Variants in CTBS observed in about 807,000 individuals in gnomAD.
CTBS encodes the protein di-N-acetylchitobiase.
A neutral mutation model predicts 44.3 loss-of-function variants in CTBS; 35 were observed. That is an observed-to-expected ratio of 0.79 (90% confidence interval 0.60 to 1.05). The LOEUF (loss-of-function observed/expected upper bound fraction) is 1.05. CTBS is among the 50% of genes least tolerant of loss of function. CTBS has a pLI of 0.00. For synonymous variants in CTBS, 143 were observed against 168.0 expected (o/e 0.85, Z 1.15); for missense variants, 458 against 475.3 (o/e 0.96, Z 0.34).
intron 6 of CTBS, among the ~76,000 whole-genome samples, chr1:84,556,584 T>C (rs979420282): frequency 6.6e-6 from 1 of 151,754 alleles, no homozygotes; most frequent in Non-Finnish European, 1.5e-5. Flanking sequence ...TGGTGGTGCA[T>C]GCCTGTAGTC....
chr1:84,557,246 G>A (rs1684461581), intron 6 of CTBS, among the ~76,000 whole-genome samples: 1 of 152,134 alleles, frequency 6.6e-6, no homozygotes, highest in African/African-American at 2.4e-5. Flanking sequence ...TAATAAAAAA[G>A]AGGGGGCCAG....
chr1:84,561,245 G>A (rs1684589404), intron 6 of CTBS, among the ~76,000 whole-genome samples: 1 of 152,178 alleles, frequency 6.6e-6, no homozygotes, highest in South Asian at 2.1e-4. Flanking sequence ...CAACCCTCAT[G>A]GATGACATTG....
chr1:84,571,220 G>C (rs1385783861), intron 1 of CTBS, among the ~76,000 whole-genome samples: 1 of 152,200 alleles, frequency 6.6e-6, no homozygotes, highest in African/African-American at 2.4e-5. Context: ...CAAAACTGGA[G>C]GCAGAATACA....
At position 84,565,910 on chromosome 1, in the gene CTBS, C is replaced by G. The variant is rs771101356; in HGVS notation, c.628G>C (p.Asp210His). The G allele has an allele frequency of 6.2e-7, 1 of 1,600,630 alleles. No individual in the cohort carries two copies. The highest frequency in any genetic ancestry group is 8.5e-7 in the Non-Finnish European group (1 of 1,174,026). The change falls in exon 4 of 7, where the codon GAT becomes CAT. Residue 210 changes from aspartate to histidine, a missense_variant. Asp to His is a moderately conservative substitution (Grantham distance 81, BLOSUM62 -1). Coordinates refer to ENST00000370630, the MANE Select transcript of CTBS (RefSeq NM_004388.3). ...TCTGACCAGATCTGACTTTGTTCATCATAAGACATCACAAAGAGGAAGTCA... is the reference window on the plus strand; with the variant it reads ...TCTGACCAGATCTGACTTTGTTCATGATAAGACATCACAAAGAGGAAGTCA... ...ACDFLFVMSY[D>H]EQSQIWSECI...
Position 84,550,294 on chromosome 1 carries a change from T to G in CTBS, c.*4705A>C, listed in dbSNP as rs1684231886. The G allele has an allele frequency of 2.4e-6, 1 of 422,146 alleles. No homozygotes were observed. The highest frequency in any genetic ancestry group is 2.1e-5 in the African/African-American group (1 of 48,412). The allele number at this position is 422,146 out of a possible 1,614,324, so 26.2% of individuals were successfully genotyped here. A position where few individuals can be genotyped will look rare whatever the true frequency, so the allele number is the denominator to read the frequency against. On this transcript the variant is annotated 3_prime_UTR_variant, in exon 7 of 7. Coordinates refer to ENST00000370630, the MANE Select transcript of CTBS (RefSeq NM_004388.3). ...CAAATAGTAATTTCTCCAAAGCAAT[T>G]TAGTTTACTTTACGGAATAGGTTAT...
chr1:84,561,364 G>A (rs906617580), intron 6 of CTBS, among the ~76,000 whole-genome samples: 7 of 152,202 alleles, frequency 4.6e-5, no homozygotes, highest in African/African-American at 9.7e-5. Flanking sequence ...CTACAATCTC[G>A]TGATAAAATT....
At chr1:84,559,714 A>G (rs142200071) in intron 6 of CTBS, among the ~76,000 whole-genome samples, 9 of 152,320 alleles carry the variant, frequency 5.9e-5, no homozygotes, top group African/African-American at 1.4e-4. Context: ...GAAAATAGTT[A>G]TAATTAGATT....
intron 3 of CTBS, among the ~76,000 whole-genome samples, chr1:84,568,386 A>C (rs561662060): frequency 2.0e-5 from 3 of 152,296 alleles, no homozygotes; most frequent in Non-Finnish European, 4.4e-5. Flanking sequence ...GCTGTTCTTA[A>C]TCTACATTGT....
Position 84,569,914 on chromosome 1 carries a change from A to C in CTBS, c.525+17T>G. 1 of 1,603,282 alleles carries C rather than the reference A, an allele frequency of 6.2e-7. No individual in the cohort carries two copies. Among genetic ancestry groups the C allele is most frequent in the Non-Finnish European group, 8.5e-7 (1 of 1,174,738 alleles). On this transcript the variant is annotated intron_variant, in intron 3 of 6. Coordinates refer to ENST00000370630, the MANE Select transcript of CTBS (RefSeq NM_004388.3). ...TATGGAAAATATGAGGTTTCCAAAA[A>C]ATAAATGAGTTTTTACCTGTGATCC...
In CTBS at chr1:84,552,744, ACATAAAATT is replaced by A. The variant is rs1684315235; in HGVS notation, c.*2246_*2254del. On this transcript the variant is annotated 3_prime_UTR_variant, in exon 7 of 7. Coordinates refer to ENST00000370630, the MANE Select transcript of CTBS (RefSeq NM_004388.3). ...CAACAGGTTTTGAAGTTTAAGCAAA[ACATAAAATT>A]CTTTCTCACTCTAGTTTTTAGAACA... is the stretch of plus-strand genomic sequence containing the variant. 15 of 214,878 alleles carry A rather than the reference ACATAAAATT, an allele frequency of 7.0e-5. 1 individual carries two copies. The South Asian group carries it at 2.0e-3, about 29-fold the overall frequency. 13.3% of individuals were successfully genotyped at this position (214,878 alleles called of 1,614,324 possible). A position where few individuals can be genotyped will look rare whatever the true frequency, so the allele number is the denominator to read the frequency against.
At chr1:84,572,952 A>G (rs1181695776) in intron 1 of CTBS, among the ~76,000 whole-genome samples, 1 of 152,090 alleles carries the variant, frequency 6.6e-6, no homozygotes, top group African/African-American at 2.4e-5. Flanking sequence ...GTGCTTCTCA[A>G]TCTCAAAAAG....
At chr1:84,568,829 T>C (rs1204698103) in intron 3 of CTBS, among the ~76,000 whole-genome samples, 2 of 152,166 alleles carry the variant, frequency 1.3e-5, no homozygotes, top group Non-Finnish European at 2.9e-5. Flanking sequence ...TCTGGCTGTT[T>C]GAAGTGCTGA....
intron 1 of CTBS, 49 bp from the exon 2 acceptor site, chr1:84,570,769 T>C (rs1163714677): frequency 6.3e-7 from 1 of 1,575,920 alleles, no homozygotes; most frequent in Non-Finnish European, 8.7e-7. Flanking sequence ...AATATTATGC[T>C]GACCGTCCAA....
chr1:84,557,280 C>T (rs886366444), intron 6 of CTBS, among the ~76,000 whole-genome samples: 2 of 152,102 alleles, frequency 1.3e-5, no homozygotes, highest in Admixed American at 6.5e-5. Context: ...CGCCTGTAAT[C>T]CCAGCATTTT....
In CTBS at chr1:84,552,843, A is replaced by G; in HGVS notation, c.*2156T>C. 9 of 505,602 alleles carry G rather than the reference A, an allele frequency of 1.8e-5. No individual in the cohort carries two copies. The South Asian group carries it at 2.3e-4, about 13-fold the overall frequency. The allele number at this position is 505,602 out of a possible 1,614,324, so 31.3% of individuals were successfully genotyped here. On this transcript the variant is annotated 3_prime_UTR_variant, in exon 7 of 7. Transcript: ENST00000370630. Reference sequence around the variant, plus strand: ...ACCTTATAGCATATCTCACCAGTAGATAAGCATGCTTATTAAACAGCATTC... The same window carrying G: ...ACCTTATAGCATATCTCACCAGTAGGTAAGCATGCTTATTAAACAGCATTC...
Position 84,570,734 on chromosome 1 carries a change from G to A in CTBS, c.178-14C>T, listed in dbSNP as rs1223450342. 3.3e-5 allele frequency: 53 copies of A among 1,609,556 alleles called. No homozygotes were observed. The highest frequency in any genetic ancestry group is 4.5e-5 in the Non-Finnish European group (53 of 1,177,514). On this transcript the variant is annotated splice_polypyrimidine_tract_variant and intron_variant, in intron 1 of 6. Transcript: ENST00000370630. Reference sequence around the variant, plus strand: ...AAACACAAAGACCTGCCAGAACAAAGATGAGCACCATCATTTAAACCAAGA... The same window carrying A: ...AAACACAAAGACCTGCCAGAACAAAAATGAGCACCATCATTTAAACCAAGA...
chr1:84,565,918 A>G lies in CTBS; in HGVS notation c.620T>C (p.Met207Thr), dbSNP rs143978482. ...IADACDFLFV[M>T]SYDEQSQIWS... ...GATCTGACTTTGTTCATCATAAGAC[A>G]TCACAAAGAGGAAGTCACAAGCATC... is the stretch of plus-strand genomic sequence containing the variant. The change falls in exon 4 of 7, where the codon ATG becomes ACG. Residue 207 changes from methionine (M) to threonine (T), a missense_variant. Transcript: ENST00000370630. The G allele has an allele frequency of 5.6e-6, 9 of 1,602,370 alleles. No homozygotes were observed. Among genetic ancestry groups the G allele is most frequent in the Non-Finnish European group, 7.7e-6 (9 of 1,174,770 alleles).
chr1:84,557,551 AAAG>A (rs1303077363), intron 6 of CTBS, among the ~76,000 whole-genome samples: 19 of 122,622 alleles, frequency 1.5e-4, no homozygotes, highest in African/African-American at 5.9e-4. Context: ...AAAAAAAAAA[AAAG>A]AAAAAAAAAA....
chr1:84,572,622 C>A (rs1647346827), intron 1 of CTBS, among the ~76,000 whole-genome samples: 1 of 151,590 alleles, frequency 6.6e-6, no homozygotes, highest in African/African-American at 2.4e-5. Context: ...CAGATATTGC[C>A]TAACCCACTA....
Sources: allele counts gnomAD v4.1 joint callset (sites outside exome capture counted in the v4.1 genomes callset), GRCh38; gene constraint gnomAD v4.1.1; transcripts MANE v1.5; gene names NCBI Gene and HGNC (gene_info 2026-07-23, HGNC 2026-07-21).